The following WNK3 variants were observed in gnomAD, a reference collection of about 807,000 sequenced individuals.
WNK3 encodes the protein serine/threonine-protein kinase WNK3.
A neutral mutation model predicts 116.7 loss-of-function variants in WNK3; 18 were observed. The observed-to-expected ratio is 0.15, with a 90% CI of 0.11 to 0.23. The LOEUF (loss-of-function observed/expected upper bound fraction) is 0.23. WNK3 is among the 10% of genes least tolerant of loss of function. The probability of loss-of-function intolerance (pLI) is 1.00; values close to 1 mark genes in which losing one functional copy is unlikely to be tolerated. For synonymous variants in WNK3, 404 were observed against 469.4 expected (o/e 0.86, Z 1.80); for missense variants, 993 against 1,323.8 (o/e 0.75, Z 3.88).
chrX:54,232,614 T>C (rs1557149233), intron 21 of WNK3, among the ~76,000 whole-genome samples, 195 bp downstream of exon 21: 1 of 112,226 alleles, frequency 8.9e-6, no homozygotes, highest in African/African-American at 3.2e-5. Context: ...AGCTTCTCTT[T>C]ACAATCTATC....
At chrX:54,309,252 T>G in exon 4 of WNK3, 1 of 1,211,438 alleles carries the variant, frequency 8.3e-7, no homozygotes, top group Non-Finnish European at 1.1e-6. Flanking sequence ...GCAACCCCTT[T>G]AAAATTTGCC....
intron 13 of WNK3, 126 bp downstream of exon 13, chrX:54,253,833 C>T (rs2068162228): frequency 2.2e-6 from 1 of 464,484 alleles, no homozygotes. Flanking sequence ...CCCAATTTAC[C>T]TCTGTACAAA....
At chrX:54,341,688 G>A (rs1186426262) in intron 1 of WNK3, among the ~76,000 whole-genome samples, 2 of 111,622 alleles carry the variant, frequency 1.8e-5, no homozygotes, top group Admixed American at 1.9e-4. Flanking sequence ...AGCGAAAGAC[G>A]TCAGAGGAAA....
chrX:54,246,440 G>A (rs868991662), intron 17 of WNK3, among the ~76,000 whole-genome samples: 5 of 110,835 alleles, frequency 4.5e-5, no homozygotes, highest in Admixed American at 9.7e-5. Context: ...AAGAAACATG[G>A]GGAATAATCC....
chrX:54,326,366 A>T (rs1443342196), intron 2 of WNK3, among the ~76,000 whole-genome samples: 1 of 111,540 alleles, frequency 9.0e-6, no homozygotes, highest in Non-Finnish European at 1.9e-5. Flanking sequence ...CTGGGATTAC[A>T]GGCGTGAGCC....
At chrX:54,317,884 G>A (rs962953359) in intron 2 of WNK3, among the ~76,000 whole-genome samples, 20 of 109,092 alleles carry the variant, frequency 1.8e-4, no homozygotes, top group African/African-American at 1.3e-4. Flanking sequence ...CACCTGCCTC[G>A]GCCTCCCAAA....
exon 2 of WNK3, chrX:54,333,378 C>T (rs1557174689): frequency 8.3e-7 from 1 of 1,211,279 alleles, no homozygotes; most frequent in African/African-American, 1.7e-5. Flanking sequence ...TTGTCCACCT[C>T]TCAACACATT....
intron 2 of WNK3, among the ~76,000 whole-genome samples, chrX:54,329,838 G>A (rs1438742609): frequency 9.0e-6 from 1 of 111,673 alleles, no homozygotes; most frequent in African/African-American, 3.2e-5. Context: ...GCAAAGTTGA[G>A]TGCTACTGAT....
intron 10 of WNK3, among the ~76,000 whole-genome samples, chrX:54,273,438 C>T (rs1557159887): frequency 1.8e-5 from 2 of 111,513 alleles, no homozygotes; most frequent in East Asian, 5.6e-4. Flanking sequence ...ACTAAAAATA[C>T]AAAAATTAGC....
At position 54,201,200 on chromosome X, in the gene WNK3, C is replaced by A. The variant is rs191094223; in HGVS notation, c.5073+791G>T. ...AAGTAGAATAAGGCCCAAATTCCAC[C>A]ATCCAGCATATTTTTCATGGCTTTT... On this transcript the variant is annotated intron_variant, in intron 23 of 23. Transcript: ENST00000354646. Among the ~76,000 whole-genome samples, 393 of 111,114 alleles carry A rather than the reference C, an allele frequency of 3.5e-3. 7 individuals carry two copies. Among genetic ancestry groups the A allele is most frequent in the Admixed American group, 0.034 (351 of 10,387 alleles).
chrX:54,262,740 T>A (rs1175365653), intron 10 of WNK3, among the ~76,000 whole-genome samples: 1 of 109,617 alleles, frequency 9.1e-6, no homozygotes, highest in Non-Finnish European at 1.9e-5. Context: ...GAGACCAGCC[T>A]GACCAATATG....
At chrX:54,349,489 A>G (rs1477130117) in intron 1 of WNK3, among the ~76,000 whole-genome samples, 1 of 111,988 alleles carries the variant, frequency 8.9e-6, no homozygotes. Flanking sequence ...TACACAAACT[A>G]CACCATGTTC....
At chrX:54,217,895 G>A (rs1017764980) in intron 22 of WNK3, among the ~76,000 whole-genome samples, 6 of 111,463 alleles carry the variant, frequency 5.4e-5, no homozygotes. Flanking sequence ...AGAAGAATCC[G>A]ATACTAGAAG....
chrX:54,247,508 A>G (rs1485335324), intron 17 of WNK3, among the ~76,000 whole-genome samples: 2 of 109,991 alleles, frequency 1.8e-5, no homozygotes, highest in Non-Finnish European at 3.8e-5. Flanking sequence ...ACATGTATCT[A>G]TATCTATATA....
chrX:54,280,618 T>C (rs930545765), intron 10 of WNK3, among the ~76,000 whole-genome samples: 18 of 112,355 alleles, frequency 1.6e-4, no homozygotes, highest in Admixed American at 2.9e-4. Context: ...AATGAAATCA[T>C]GTCCTTTGCA....
rs1408856391 is a variant in WNK3, at chrX:54,321,619, A to T, written c.538-10328T>A. On this transcript the variant is annotated intron_variant, in intron 2 of 23. Transcript: ENST00000354646. ...ACGGTATAATAGTCATAATCTGGTC[A>T]TATTACCATACTAAAGCTTTGAGAC... Among the ~76,000 whole-genome samples, 3 of 111,692 alleles carry T rather than the reference A, an allele frequency of 2.7e-5. No homozygotes were observed. In the East Asian group the frequency reaches 8.5e-4, roughly 31 times the overall value.
chrX:54,212,640 T>G (rs1377710283), intron 22 of WNK3, among the ~76,000 whole-genome samples: 1 of 111,865 alleles, frequency 8.9e-6, no homozygotes, highest in Non-Finnish European at 1.9e-5. Flanking sequence ...CCCACTAGGG[T>G]TTGGGTTAAA....
intron 2 of WNK3, among the ~76,000 whole-genome samples, chrX:54,328,917 G>A (rs2069136279): frequency 9.0e-6 from 1 of 110,932 alleles, no homozygotes; most frequent in Non-Finnish European, 1.9e-5. Context: ...AACCTTCTGA[G>A]TAGCTAGGAC....
chrX:54,250,125 G>C, exon 16 of WNK3: 1 of 1,185,496 alleles, frequency 8.4e-7, no homozygotes, highest in Non-Finnish European at 1.1e-6. Flanking sequence ...CTGAGGAGCA[G>C]ATTCATCTGC....
Sources: allele counts gnomAD v4.1 joint callset (sites outside exome capture counted in the v4.1 genomes callset), GRCh38; gene constraint gnomAD v4.1.1; transcripts MANE v1.5; gene names NCBI Gene and HGNC (gene_info 2026-07-23, HGNC 2026-07-21).